SLC2A9: variants seen among roughly 807,000 people sequenced by gnomAD.
The protein encoded by SLC2A9 is solute carrier family 2, facilitated glucose transporter member 9.
A neutral mutation model predicts 50.6 loss-of-function variants in SLC2A9; 39 were observed. The ratio of observed to expected loss-of-function variants is 0.77; its 90% CI spans 0.60 to 1.01. The LOEUF (loss-of-function observed/expected upper bound fraction) is 1.01. Among genes scored for constraint, SLC2A9 ranks in the 50% least tolerant of loss-of-function variants. The pLI, the probability that SLC2A9 is intolerant of heterozygous loss-of-function variation, is 0.00. For synonymous variants in SLC2A9, 324 were observed against 276.9 expected (o/e 1.17, Z -1.69); for missense variants, 686 against 677.6 (o/e 1.01, Z -0.14).
At chr4:9,814,688 T>C (rs1259122998) in intron 3 of SLC2A9, among the ~76,000 whole-genome samples, 2 of 152,180 alleles carry the variant, frequency 1.3e-5, no homozygotes, top group Non-Finnish European at 2.9e-5. Context: ...TGGTCTTTCA[T>C]GCTCAAGAAG....
At chr4:9,815,374 A>G (rs1723435661) in intron 3 of SLC2A9, among the ~76,000 whole-genome samples, 1 of 152,186 alleles carries the variant, frequency 6.6e-6, no homozygotes, top group South Asian at 2.1e-4. Flanking sequence ...ACCTGCATGG[A>G]TTGAGTTTAG....
intron 3 of SLC2A9, among the ~76,000 whole-genome samples, chr4:9,801,597 C>G (rs1721414313): frequency 1.3e-5 from 2 of 152,166 alleles, no homozygotes; most frequent in Admixed American, 1.3e-4. Flanking sequence ...GACATTAACT[C>G]TCCTGAACTG....
downstream of SLC2A9, among the ~76,000 whole-genome samples, chr4:9,794,280 G>A (rs1468647903): frequency 6.6e-6 from 1 of 151,876 alleles, no homozygotes; most frequent in South Asian, 2.1e-4. Flanking sequence ...TCAGCCTCCC[G>A]CGTAGCTGGG....
At chr4:9,809,812 A>G (rs1018370225) in intron 3 of SLC2A9, among the ~76,000 whole-genome samples, 11 of 151,398 alleles carry the variant, frequency 7.3e-5, no homozygotes, top group Admixed American at 5.2e-4. Context: ...ATCCCAACCT[A>G]TACAACCCTA....
chr4:9,967,603 G>T (rs936340332), intron 5 of SLC2A9, among the ~76,000 whole-genome samples: 1 of 151,360 alleles, frequency 6.6e-6, no homozygotes, highest in African/African-American at 2.4e-5. Flanking sequence ...TAAATTAAAA[G>T]GTTATTAAAA....
chr4:9,838,143 G>A (rs920922922), intron 10 of SLC2A9, among the ~76,000 whole-genome samples: 2 of 152,158 alleles, frequency 1.3e-5, no homozygotes, highest in African/African-American at 4.8e-5. Flanking sequence ...CCCATTTTAT[G>A]ATGAGTTAGC....
At chr4:9,903,507 C>T (rs962744525) in intron 8 of SLC2A9, among the ~76,000 whole-genome samples, 7 of 151,952 alleles carry the variant, frequency 4.6e-5, no homozygotes, top group African/African-American at 1.7e-4. Flanking sequence ...TTTGGAAAAC[C>T]AGCTGTTTCT....
At chr4:9,950,911 AAAAAAAAAG>A (rs1468682335) in intron 5 of SLC2A9, among the ~76,000 whole-genome samples, 1 of 29,190 alleles carries the variant, frequency 3.4e-5, no homozygotes, top group African/African-American at 4.8e-4. Flanking sequence ...AAAAAAAAAA[AAAAAAAAAG>A]AAAACAGTAT....
At chr4:9,815,484 G>A (rs1451633429) in intron 3 of SLC2A9, among the ~76,000 whole-genome samples, 5 of 152,240 alleles carry the variant, frequency 3.3e-5, no homozygotes, top group African/African-American at 1.2e-4. Context: ...GATCACAGCT[G>A]TTACAGAAGC....
rs147322280 is a variant in SLC2A9, at chr4:9,790,565, G to A, written n.386-10500C>T. ...TTGTATTCCAACCAATGACATGGAG[G>A]GGCCTGGTTAATAAATGATTTCTAT... On this transcript the variant is annotated intron_variant and non_coding_transcript_variant, in intron 3 of 3. Transcript: ENST00000503803. Among the ~76,000 whole-genome samples, 17 of 152,282 alleles carry A rather than the reference G, an allele frequency of 1.1e-4. No individual in the cohort carries two copies. In the East Asian group the frequency reaches 3.3e-3, roughly 29 times the overall value.
In SLC2A9 at chr4:10,038,761, C is replaced by T. The variant is rs568830345; in HGVS notation, c.-41+1369G>A. Reference sequence around the variant, plus strand: ...TCTGCTTCACATCCCGGGAGAGCCTCGGACGGCAAGCTAAGGATCCCGAAC... The same window carrying T: ...TCTGCTTCACATCCCGGGAGAGCCTTGGACGGCAAGCTAAGGATCCCGAAC... On this transcript the variant is annotated intron_variant, in intron 1 of 12. Transcript: ENST00000309065. 1.6e-4 allele frequency among the ~76,000 whole-genome samples: 24 copies of T among 152,230 alleles called. 1 individual carries two copies. The South Asian group carries it at 4.6e-3, about 29-fold the overall frequency.
chr4:9,913,330 TGAGAGA>T (rs968021703), intron 7 of SLC2A9, among the ~76,000 whole-genome samples: 16 of 88,730 alleles, frequency 1.8e-4, no homozygotes, highest in Non-Finnish European at 2.6e-4. Flanking sequence ...TGTGTGTGTG[TGAGAGA>T]GAGAGAGAGA....
intron 8 of SLC2A9, among the ~76,000 whole-genome samples, chr4:9,907,234 C>T (rs1050522525): frequency 5.9e-5 from 9 of 152,208 alleles, no homozygotes; most frequent in Non-Finnish European, 2.9e-5. Context: ...ACAGACATAG[C>T]TACAAAAAAG....
intron 10 of SLC2A9, among the ~76,000 whole-genome samples, chr4:9,884,273 A>T (rs1380782718): frequency 6.6e-6 from 1 of 152,144 alleles, no homozygotes; most frequent in Non-Finnish European, 1.5e-5. Context: ...TTTTTAAACA[A>T]TTTTTTTAGA....
chr4:9,804,821 T>C (rs1174396203), intron 3 of SLC2A9, among the ~76,000 whole-genome samples: 3 of 151,902 alleles, frequency 2.0e-5, no homozygotes, highest in African/African-American at 7.3e-5. Flanking sequence ...TAGGGTAGAG[T>C]CCACTCATGA....
chr4:9,792,019 T>G (rs1468972315), intron 3 of SLC2A9, among the ~76,000 whole-genome samples: 1 of 152,140 alleles, frequency 6.6e-6, no homozygotes, highest in Admixed American at 6.5e-5. Flanking sequence ...CATCCTTAAG[T>G]CAACCTGGAT....
chr4:9,782,769 G>T (rs774074172), intron 3 of SLC2A9: 4 of 1,613,986 alleles, frequency 2.5e-6, no homozygotes, highest in Non-Finnish European at 3.4e-6. Flanking sequence ...ACCTACACGC[G>T]CATCTACCGC....
chr4:10,018,546 TGATAGATAGATAGATA>T (rs749714539), intron 2 of SLC2A9, among the ~76,000 whole-genome samples: 6 of 145,332 alleles, frequency 4.1e-5, no homozygotes, highest in Admixed American at 1.4e-4. Context: ...ATCTCAAAGA[TGATAGATAGATAGATA>T]GATAGATAGA....
chr4:10,006,236 T>C (rs1760750636), intron 2 of SLC2A9, among the ~76,000 whole-genome samples: 2 of 152,082 alleles, frequency 1.3e-5, no homozygotes, highest in East Asian at 1.9e-4. Context: ...CTCCAAATAA[T>C]AAAAGAAATT....
Sources: gnomAD v4.1 joint callset for allele counts (sites outside exome capture counted in the v4.1 genomes callset) on GRCh38, gnomAD v4.1.1 for gene constraint, MANE v1.5 for transcripts, NCBI Gene and HGNC (gene_info 2026-07-23, HGNC 2026-07-21) for gene names.